The following LINGO1 variants were observed in gnomAD, a reference collection of about 807,000 sequenced individuals.
LINGO1 encodes the protein leucine rich repeat and Ig domain containing 1, also known as leucine-rich repeat and immunoglobulin-like domain-containing nogo receptor-interacting protein 1.
LINGO1 carries 11 observed loss-of-function variants against 37.3 expected under a neutral mutation model. The ratio of observed to expected loss-of-function variants is 0.29; its 90% CI spans 0.19 to 0.49. The LOEUF is 0.49. Ranked by LOEUF, LINGO1 falls within the 20% of genes least tolerant of loss-of-function variation. LINGO1 has a pLI of 0.99. For missense variants in LINGO1, 585 were observed against 878.2 expected, an observed-to-expected ratio of 0.67 and a Z score of 4.22; for synonymous variants, 387 against 403.0, an observed-to-expected ratio of 0.96 and a Z score of 0.48.
chr15:77,799,696 C>T (rs935681023), intron 1 of LINGO1, among the ~76,000 whole-genome samples: 1 of 152,196 alleles, frequency 6.6e-6, no homozygotes, highest in South Asian at 2.1e-4. Context: ...GAGCAGAGAA[C>T]CAGTGAGCCC....
At chr15:77,646,284 G>T in intron 3 of LINGO1, 1 of 334,970 alleles carries the variant, frequency 3.0e-6, no homozygotes, top group Non-Finnish European at 5.9e-6. Context: ...ACTCCACCCC[G>T]CCCTGCCACA....
chr15:77,721,220 A>AG (rs1449453254), intron 2 of LINGO1, among the ~76,000 whole-genome samples: 15 of 151,140 alleles, frequency 9.9e-5, no homozygotes, highest in African/African-American at 3.6e-4. Flanking sequence ...ACCCGGCCCT[A>AG]ACCCCCTCCA....
chr15:77,660,770 CTGT>C (rs1376716521), intron 3 of LINGO1, among the ~76,000 whole-genome samples: 2 of 150,980 alleles, frequency 1.3e-5, no homozygotes, highest in African/African-American at 4.9e-5. Flanking sequence ...GGCTGAGAGT[CTGT>C]CTGTAGTTTT....
Position 77,718,978 on chromosome 15 carries a change from G to C in LINGO1, c.-195+16014C>G, listed in dbSNP as rs941294122. Reference sequence around the variant, plus strand: ...TGGGGTGGAGGGAACTGGGGAAACCGACAAGGCCTCAGTCTGTGTCTGGGG... The same window carrying C: ...TGGGGTGGAGGGAACTGGGGAAACCCACAAGGCCTCAGTCTGTGTCTGGGG... On this transcript the variant is annotated intron_variant, in intron 2 of 3. Transcript: ENST00000561686. Among the ~76,000 whole-genome samples the C allele has an allele frequency of 6.0e-5, 9 of 150,572 alleles. 1 individual carries two copies. The highest frequency in any genetic ancestry group is 2.0e-4 in the Admixed American group (3 of 15,076).
intron 1 of LINGO1, among the ~76,000 whole-genome samples, chr15:77,756,181 T>C (rs2076416941): frequency 6.6e-6 from 1 of 152,166 alleles, no homozygotes; most frequent in Admixed American, 6.5e-5. Context: ...CAGCCCACTT[T>C]CTTCACTGCA....
intron 1 of LINGO1, among the ~76,000 whole-genome samples, chr15:77,748,688 CTTTTTCT>C (rs767232084): frequency 6.6e-6 from 1 of 151,638 alleles, no homozygotes; most frequent in Non-Finnish European, 1.5e-5. Context: ...CTTTTTTTTT[CTTTTTCT>C]TTTTTCTTTT....
intron 2 of LINGO1, among the ~76,000 whole-genome samples, chr15:77,734,785 T>G (rs1204278477): frequency 6.6e-6 from 1 of 151,952 alleles, no homozygotes. Flanking sequence ...TCCTCCTTTT[T>G]CCTAAAAGCT....
chr15:77,656,687 G>T (rs1407092523), intron 3 of LINGO1, among the ~76,000 whole-genome samples: 1 of 152,118 alleles, frequency 6.6e-6, no homozygotes, highest in Non-Finnish European at 1.5e-5. Flanking sequence ...TCCCCAGGAT[G>T]CAGATATGTG....
chr15:77,740,228 C>T (rs776807955), intron 1 of LINGO1, among the ~76,000 whole-genome samples: 11 of 152,208 alleles, frequency 7.2e-5, no homozygotes, highest in Admixed American at 3.9e-4. Context: ...AGTATGAGAC[C>T]GCCAGACAGA....
At chr15:77,763,619 T>G (rs1451041717) in intron 1 of LINGO1, among the ~76,000 whole-genome samples, 1 of 152,030 alleles carries the variant, frequency 6.6e-6, no homozygotes, top group African/African-American at 2.4e-5. Flanking sequence ...GGAACAAATC[T>G]TCCACCTGAG....
chr15:77,665,824 T>A (rs1596075052), intron 3 of LINGO1, among the ~76,000 whole-genome samples: 1 of 152,226 alleles, frequency 6.6e-6, no homozygotes, highest in East Asian at 1.9e-4. Flanking sequence ...CCTGTGGTAC[T>A]CATTCCTCTC....
At chr15:77,616,464 G>A (rs549969999) in intron 1 of LINGO1, among the ~76,000 whole-genome samples, 2 of 152,160 alleles carry the variant, frequency 1.3e-5, no homozygotes, top group Non-Finnish European at 2.9e-5. Context: ...AGTCTCCCCC[G>A]GTGCAGACGC....
At chr15:77,714,786 G>A (rs886221180) in intron 2 of LINGO1, among the ~76,000 whole-genome samples, 2 of 152,162 alleles carry the variant, frequency 1.3e-5, no homozygotes, top group African/African-American at 2.4e-5. Flanking sequence ...GGGAGGGTGC[G>A]CACGTCTCTA....
At position 77,670,281 on chromosome 15, in the gene LINGO1, G is replaced by A. The variant is rs559490178; in HGVS notation, c.-13+6808C>T. 3.3e-5 allele frequency among the ~76,000 whole-genome samples: 5 copies of A among 152,336 alleles called. No homozygotes were observed. In the East Asian group the frequency reaches 9.6e-4, roughly 29 times the overall value. ...ACTCTGGAATTAGATAGTGGTAAGA[G>A]TTGCACAATTGGGAATATGCTAAAA... On this transcript the variant is annotated intron_variant, in intron 3 of 3. Coordinates refer to the LINGO1 transcript ENST00000559893.
intron 2 of LINGO1, among the ~76,000 whole-genome samples, chr15:77,731,631 C>T (rs185764683): frequency 2.0e-5 from 3 of 152,296 alleles, no homozygotes; most frequent in Admixed American, 1.3e-4. Context: ...CCTCACTCTC[C>T]TCCCTGCCAC....
chr15:77,813,359 G>A (rs1019463147), intron 1 of LINGO1, among the ~76,000 whole-genome samples: 2 of 152,230 alleles, frequency 1.3e-5, no homozygotes, highest in Non-Finnish European at 2.9e-5. Flanking sequence ...CATCTGATTG[G>A]CTGGAGCCTG....
intron 2 of LINGO1, among the ~76,000 whole-genome samples, chr15:77,682,124 A>C (rs1163216887): frequency 6.6e-6 from 1 of 152,142 alleles, no homozygotes; most frequent in East Asian, 1.9e-4. Flanking sequence ...CCTCGATGCC[A>C]TTGGCAGAAA....
chr15:77,720,498 T>C (rs961677905), intron 2 of LINGO1: 1 of 152,288 alleles, frequency 6.6e-6, no homozygotes, highest in African/African-American at 2.4e-5. Flanking sequence ...TCCTTCCCCA[T>C]GCAACAGAAG....
chr15:77,702,158 A>G (rs764652712), intron 2 of LINGO1, among the ~76,000 whole-genome samples: 2 of 152,168 alleles, frequency 1.3e-5, no homozygotes, highest in Non-Finnish European at 2.9e-5. Context: ...ACAACTAGGA[A>G]TATTGGCAGT....
Sources: allele counts gnomAD v4.1 joint callset (sites outside exome capture counted in the v4.1 genomes callset), GRCh38; gene constraint gnomAD v4.1.1; transcripts MANE v1.5; gene names NCBI Gene and HGNC (gene_info 2026-07-23, HGNC 2026-07-21).